SH3RF2: variants seen among roughly 807,000 people sequenced by gnomAD.
SH3RF2 encodes SH3 domain containing ring finger 2.
In SH3RF2, 43 loss-of-function variants were observed where a neutral mutation model predicts 59.0. The ratio of observed to expected loss-of-function variants is 0.73; its 90% CI spans 0.57 to 0.94. The LOEUF is 0.94. SH3RF2 is among the 40% of genes least tolerant of loss of function. The pLI, the probability that SH3RF2 is intolerant of heterozygous loss-of-function variation, is 0.00. For synonymous variants in SH3RF2, 391 were observed against 391.5 expected (o/e 1.00, Z 0.01); for missense variants, 930 against 940.1 (o/e 0.99, Z 0.14).
chr5:145,992,340 T>C (rs571249996), intron 2 of SH3RF2, among the ~76,000 whole-genome samples: 40 of 152,212 alleles, frequency 2.6e-4, no homozygotes, highest in African/African-American at 9.2e-4. Flanking sequence ...GACACTGCAC[T>C]CCAGCTTGGG....
downstream of SH3RF2, among the ~76,000 whole-genome samples, chr5:146,067,737 A>T (rs928473733): frequency 6.6e-6 from 1 of 152,126 alleles, no homozygotes; most frequent in African/African-American, 2.4e-5. Context: ...AGAGGTTTGT[A>T]CTGATAGGTG....
intron 2 of SH3RF2, among the ~76,000 whole-genome samples, chr5:145,939,494 C>T (rs1219682315): frequency 6.6e-6 from 1 of 152,166 alleles, no homozygotes; most frequent in Admixed American, 6.5e-5. Flanking sequence ...ATCTTTAAAC[C>T]ACCCATGGCG....
chr5:146,075,091 C>A (rs17212373), intron 9 of SH3RF2, among the ~76,000 whole-genome samples: 34,079 of 152,166 alleles, frequency 0.22, 4,890 homozygotes, highest in Admixed American at 0.34. Flanking sequence ...ACTTAGGAAA[C>A]TGAGACAGGT....
At chr5:146,025,747 T>C (rs1761508666) in intron 5 of SH3RF2, among the ~76,000 whole-genome samples, 1 of 152,252 alleles carries the variant, frequency 6.6e-6, no homozygotes, top group Admixed American at 6.5e-5. Context: ...GGTTTGTATT[T>C]ATTCTACAGA....
chr5:146,002,517 GA>G (rs1474946508), intron 3 of SH3RF2, among the ~76,000 whole-genome samples: 28 of 150,344 alleles, frequency 1.9e-4, no homozygotes, highest in African/African-American at 6.2e-4. Flanking sequence ...AGGAAGGAAG[GA>G]AGGAAGGAAG....
At chr5:145,963,348 C>T (rs190101939) in intron 2 of SH3RF2, among the ~76,000 whole-genome samples, 99 of 152,148 alleles carry the variant, frequency 6.5e-4, no homozygotes, top group Middle Eastern at 3.4e-3. Flanking sequence ...TCCCCTTGAC[C>T]AGCCAGGACT....
At chr5:146,058,692 T>A (rs111645491) in intron 8 of SH3RF2, among the ~76,000 whole-genome samples, 1 of 152,072 alleles carries the variant, frequency 6.6e-6, no homozygotes, top group African/African-American at 2.4e-5. Flanking sequence ...GGGGCCCCTA[T>A]GGAGAAATGG....
At chr5:145,981,885 G>A (rs930928101) in intron 2 of SH3RF2, among the ~76,000 whole-genome samples, 9 of 152,178 alleles carry the variant, frequency 5.9e-5, no homozygotes, top group African/African-American at 2.2e-4. Context: ...AGTGCTTCTA[G>A]AGGCATCACA....
intron 2 of SH3RF2, among the ~76,000 whole-genome samples, chr5:145,976,314 C>T (rs1759292354): frequency 6.6e-6 from 1 of 152,072 alleles, no homozygotes; most frequent in Non-Finnish European, 1.5e-5. Flanking sequence ...ATACCTGCCT[C>T]ATCAGCTGGT....
intron 2 of SH3RF2, among the ~76,000 whole-genome samples, chr5:145,975,877 G>A (rs544065297): frequency 4.6e-4 from 70 of 152,214 alleles, no homozygotes; most frequent in African/African-American, 1.5e-3. Context: ...GCCCTGCCTC[G>A]TGGATTGTTG....
chr5:145,939,806 T>C (rs1757744901), intron 2 of SH3RF2, among the ~76,000 whole-genome samples: 1 of 152,122 alleles, frequency 6.6e-6, no homozygotes, highest in Non-Finnish European at 1.5e-5. Context: ...TCCTAAGACC[T>C]AGCAACCTCT....
chr5:145,970,492 A>G (rs1362308792), intron 2 of SH3RF2, among the ~76,000 whole-genome samples: 1 of 152,192 alleles, frequency 6.6e-6, no homozygotes, highest in African/African-American at 2.4e-5. Context: ...TGGTACATAT[A>G]TACCACATTT....
At chr5:145,951,456 C>T (rs1561706083) in intron 2 of SH3RF2, among the ~76,000 whole-genome samples, 1 of 152,190 alleles carries the variant, frequency 6.6e-6, no homozygotes, top group South Asian at 2.1e-4. Flanking sequence ...CAGCCACATA[C>T]GTAGGGACTC....
At chr5:146,073,249 G>A (rs1223215840) in intron 9 of SH3RF2, among the ~76,000 whole-genome samples, 1 of 152,194 alleles carries the variant, frequency 6.6e-6, no homozygotes, top group African/African-American at 2.4e-5. Flanking sequence ...CTCATCTGGT[G>A]GTCCCCACGG....
Position 146,024,799 on chromosome 5 carries a change from G to A in SH3RF2, c.1059+10738G>A, listed in dbSNP as rs139468134. Among the ~76,000 whole-genome samples the A allele has an allele frequency of 1.9e-3, 284 of 152,192 alleles. 2 individuals are homozygous for A. The East Asian group carries it at 0.03, about 16-fold the overall frequency. On this transcript the variant is annotated intron_variant, in intron 5 of 9. Transcript: ENST00000359120. ...TGAAGTTGTTCCAGCATCATTTACT[G>A]AAAAAGACTATTTTTTCCCATTTTG...
chr5:145,964,603 G>A (rs1031469931), intron 2 of SH3RF2, among the ~76,000 whole-genome samples: 16 of 152,064 alleles, frequency 1.1e-4, no homozygotes, highest in South Asian at 2.1e-4. Context: ...CACCATGCTC[G>A]GCCAGTTTTG....
chr5:145,964,479 G>C (rs970026846), intron 2 of SH3RF2, among the ~76,000 whole-genome samples: 2 of 151,778 alleles, frequency 1.3e-5, no homozygotes, highest in Non-Finnish European at 2.9e-5. Context: ...GCTAATTTTT[G>C]TATTTTTGGT....
At chr5:146,052,767 G>A (rs1762543692) in intron 7 of SH3RF2, among the ~76,000 whole-genome samples, 2 of 151,956 alleles carry the variant, frequency 1.3e-5, no homozygotes, top group Admixed American at 1.3e-4. Flanking sequence ...TTCCTTGGTG[G>A]GAAGTTTACT....
intron 5 of SH3RF2, among the ~76,000 whole-genome samples, chr5:146,023,220 C>CTTTT (rs1187920581): frequency 6.6e-6 from 1 of 151,082 alleles, no homozygotes; most frequent in Admixed American, 6.6e-5. Context: ...TTTCTTTTTT[C>CTTTT]TTTTTTTAGA....
Sources: allele counts gnomAD v4.1 joint callset (sites outside exome capture counted in the v4.1 genomes callset), GRCh38; gene constraint gnomAD v4.1.1; transcripts MANE v1.5; gene names NCBI Gene and HGNC (gene_info 2026-07-23, HGNC 2026-07-21).